SLCO3A1: variants seen among roughly 807,000 people sequenced by gnomAD.
SLCO3A1 encodes solute carrier organic anion transporter family member 3A1.
In SLCO3A1, 27 loss-of-function variants were observed where a neutral mutation model predicts 63.1. The observed-to-expected ratio is 0.43, with a 90% CI of 0.32 to 0.59. SLCO3A1 has a LOEUF of 0.59. SLCO3A1 is among the 20% of genes least tolerant of loss of function. The pLI is 0.09. For missense variants in SLCO3A1, 773 were observed against 945.8 expected (o/e 0.82, Z 2.40); for synonymous variants, 473 against 409.9 (o/e 1.15, Z -1.86).
At chr15:92,141,372 G>A (rs538010045) in intron 7 of SLCO3A1, among the ~76,000 whole-genome samples, 2 of 152,218 alleles carry the variant, frequency 1.3e-5, no homozygotes, top group East Asian at 3.9e-4. Context: ...AAGCATTAGG[G>A]GACATATCAC....
At chr15:92,144,642 G>A (rs1243647036) in intron 7 of SLCO3A1, among the ~76,000 whole-genome samples, 1 of 152,214 alleles carries the variant, frequency 6.6e-6, no homozygotes, top group Non-Finnish European at 1.5e-5. Context: ...GGGGCATACC[G>A]CAAGGTGGCA....
At chr15:91,909,588 G>T (rs1281691577) in intron 1 of SLCO3A1, among the ~76,000 whole-genome samples, 1 of 152,150 alleles carries the variant, frequency 6.6e-6, no homozygotes, top group South Asian at 2.1e-4. Flanking sequence ...TGAGGGTATA[G>T]GTTCCCCGAA....
intron 2 of SLCO3A1, among the ~76,000 whole-genome samples, chr15:91,994,463 C>A (rs1235211824): frequency 6.6e-6 from 1 of 152,212 alleles, no homozygotes; most frequent in Non-Finnish European, 1.5e-5. Flanking sequence ...TTAGCAGAAT[C>A]TGCTTTTTTT....
intron 4 of SLCO3A1, among the ~76,000 whole-genome samples, chr15:92,109,112 G>A (rs557174724): frequency 2.6e-5 from 4 of 152,130 alleles, no homozygotes; most frequent in African/African-American, 7.2e-5. Context: ...AGACATGGAC[G>A]CATGCACAGA....
intron 2 of SLCO3A1, among the ~76,000 whole-genome samples, chr15:92,072,925 A>T (rs2047233514): frequency 6.6e-6 from 1 of 152,062 alleles, no homozygotes; most frequent in Non-Finnish European, 1.5e-5. Flanking sequence ...TTTTTTGAGG[A>T]TCGTCATTCA....
At chr15:91,976,763 C>T (rs535124866) in intron 2 of SLCO3A1, among the ~76,000 whole-genome samples, 4 of 152,156 alleles carry the variant, frequency 2.6e-5, no homozygotes, top group Non-Finnish European at 5.9e-5. Flanking sequence ...CCCCACAAGC[C>T]GCAAAAACCA....
intron 2 of SLCO3A1, among the ~76,000 whole-genome samples, chr15:92,004,027 T>C (rs2046285480): frequency 6.6e-6 from 1 of 152,190 alleles, no homozygotes; most frequent in Non-Finnish European, 1.5e-5. Context: ...TGGTGCCTTA[T>C]GGTATGTGGT....
chr15:91,994,330 T>C (rs1197231903), intron 2 of SLCO3A1, among the ~76,000 whole-genome samples: 1 of 152,210 alleles, frequency 6.6e-6, no homozygotes, highest in Non-Finnish European at 1.5e-5. Flanking sequence ...TTTTGTCTTT[T>C]TTTTTGTAAA....
At chr15:91,922,912 T>A (rs1898897023) in intron 2 of SLCO3A1, among the ~76,000 whole-genome samples, 1 of 152,210 alleles carries the variant, frequency 6.6e-6, no homozygotes, top group African/African-American at 2.4e-5. Context: ...TCTTACCTGG[T>A]GCTTCCATAT....
At chr15:91,987,999 T>G (rs12708589) in intron 2 of SLCO3A1, among the ~76,000 whole-genome samples, 1 of 151,988 alleles carries the variant, frequency 6.6e-6, no homozygotes, top group Non-Finnish European at 1.5e-5. Context: ...TTTATTTTGA[T>G]TTACAAACCC....
intron 2 of SLCO3A1, among the ~76,000 whole-genome samples, chr15:91,990,850 T>C (rs139633062): frequency 4.3e-4 from 66 of 152,158 alleles, no homozygotes; most frequent in African/African-American, 1.5e-3. Context: ...GGAATTTGCA[T>C]GTGTGTTGCT....
chr15:91,853,854 C>T lies in SLCO3A1; in HGVS notation c.-55C>T. The T allele has an allele frequency of 8.0e-7, 1 of 1,244,558 alleles. No homozygotes were observed. The highest frequency in any genetic ancestry group is 1.0e-6 in the Non-Finnish European group (1 of 997,648). 77.1% of individuals were successfully genotyped at this position (1,244,558 alleles called of 1,614,324 possible). ...CCCCGCCCGGCAGCGGCCCCGACAC[C>T]CGGGGCGAGCGGGAAAGCGGCAGCG... On this transcript the variant is annotated 5_prime_UTR_variant, in exon 1 of 10. Coordinates refer to ENST00000318445, the MANE Select transcript of SLCO3A1 (RefSeq NM_013272.4).
intron 2 of SLCO3A1, among the ~76,000 whole-genome samples, chr15:91,930,256 T>C (rs935167304): frequency 6.6e-6 from 1 of 152,162 alleles, no homozygotes; most frequent in Admixed American, 6.5e-5. Flanking sequence ...AGGTCAGCTC[T>C]CAGCACCTCT....
intron 2 of SLCO3A1, among the ~76,000 whole-genome samples, chr15:92,034,252 C>T (rs1172566099): frequency 2.0e-5 from 3 of 151,074 alleles, no homozygotes; most frequent in Non-Finnish European, 3.0e-5. Context: ...CAGATGGATT[C>T]GATGTAGAGA....
chr15:92,039,636 A>C (rs878921175), intron 2 of SLCO3A1, among the ~76,000 whole-genome samples: 1 of 152,254 alleles, frequency 6.6e-6, no homozygotes, highest in Admixed American at 6.5e-5. Context: ...AATTAGTTCA[A>C]CCACATGGAA....
rs186318061 is a variant in SLCO3A1 at position 92,034,160 on chromosome 15, C to T, written c.647-60721C>T. Among the ~76,000 whole-genome samples, 186 of 151,566 alleles carry T rather than the reference C, an allele frequency of 1.2e-3. 1 individual carries two copies. The highest frequency in any genetic ancestry group is 4.3e-3 in the African/African-American group (179 of 41,394). On this transcript the variant is annotated intron_variant, in intron 2 of 9. Transcript: ENST00000318445. ...TGAGGAGGAAAGTGGGGGCTGTATG[C>T]AGGGATCCAGGAGAGGGATCCTGGA...
intron 4 of SLCO3A1, among the ~76,000 whole-genome samples, chr15:92,111,181 G>A (rs1383762044): frequency 6.6e-6 from 1 of 151,966 alleles, no homozygotes; most frequent in Non-Finnish European, 1.5e-5. Flanking sequence ...CTCTCCACAT[G>A]ACCCAGCTCA....
intron 2 of SLCO3A1, among the ~76,000 whole-genome samples, chr15:92,089,054 C>G (rs1356450991): frequency 6.6e-6 from 1 of 151,598 alleles, no homozygotes; most frequent in Non-Finnish European, 1.5e-5. Context: ...GAGATGGAGT[C>G]TGTCTCTGTC....
intron 2 of SLCO3A1, among the ~76,000 whole-genome samples, chr15:91,938,406 T>G (rs1446040828): frequency 3.9e-5 from 6 of 152,004 alleles, no homozygotes; most frequent in Non-Finnish European, 1.5e-5. Context: ...CAAGATTAAC[T>G]CAGCAGCTGT....
Sources: gnomAD v4.1 joint callset for allele counts (sites outside exome capture counted in the v4.1 genomes callset) on GRCh38, gnomAD v4.1.1 for gene constraint, MANE v1.5 for transcripts, NCBI Gene and HGNC (gene_info 2026-07-23, HGNC 2026-07-21) for gene names.